Variants in PAM observed in about 807,000 individuals in gnomAD.
The protein encoded by PAM is peptidylglycine alpha-amidating monooxygenase, also known as peptidyl-glycine alpha-amidating monooxygenase.
Under a neutral mutation model 122.1 loss-of-function variants are expected in PAM, and 72 were observed. The ratio of observed to expected loss-of-function variants is 0.59; its 90% CI spans 0.49 to 0.72. The LOEUF (loss-of-function observed/expected upper bound fraction) is 0.72, where lower values mean the gene tolerates loss of function less well. PAM is among the 30% of genes least tolerant of loss of function. The pLI, the probability that PAM is intolerant of heterozygous loss-of-function variation, is 0.00. For missense variants in PAM, 1,106 were observed against 1,183.7 expected, an observed-to-expected ratio of 0.93 and a Z score of 0.96; for synonymous variants, 389 against 404.4, an observed-to-expected ratio of 0.96 and a Z score of 0.46.
rs148652099 is a variant in PAM, at chr5:103,007,466, G to A, written c.2024G>A (p.Gly675Glu). The A allele has an allele frequency of 4.3e-6, 7 of 1,613,628 alleles. No homozygotes were observed. The African/African-American group carries it at 8.0e-5, about 18-fold the overall frequency. ...TTTTTTTGTTCTGCAGAGTCTTCAG[G>A]GAGCAGTCCTCTGCCAGGCCAGTTC... ...FITQWGEESS[G>E]SSPLPGQFTV... Residue 675 changes from glycine (G) to glutamate (E), a missense_variant, in exon 20 of 26, where the codon GGG becomes GAG. Around this residue, in one of 3 missense-constraint regions of PAM, gnomAD observed 103 missense variants for 157.9 expected, o/e 0.65. Transcript: ENST00000438793.
At chr5:102,846,367 C>T (rs1779949902) in intron 1 of PAM, among the ~76,000 whole-genome samples, 1 of 152,180 alleles carries the variant, frequency 6.6e-6, no homozygotes, top group Non-Finnish European at 1.5e-5. Flanking sequence ...TCTTATTTCC[C>T]ATCCCTCTGT....
At chr5:102,931,926 A>C (rs2151805772) in intron 7 of PAM, among the ~76,000 whole-genome samples, 1 of 152,136 alleles carries the variant, frequency 6.6e-6, no homozygotes, top group South Asian at 2.1e-4. Flanking sequence ...TATAGCCAAA[A>C]GTTTTGCTTT....
rs1278687957 is a variant in PAM at position 102,948,376 on chromosome 5, A to C, written c.576-2A>C. ...TTAGAAAAATGTTATTTTTTTCTGC[A>C]GACAGCCTTTAATTGCTGGCATGTA... On this transcript the variant is annotated splice_acceptor_variant, in intron 8 of 25. Coordinates refer to ENST00000438793, the MANE Select transcript of PAM (RefSeq NM_001177306.2). LOFTEE classifies it high-confidence loss of function. 1 of 1,562,238 alleles carries C rather than the reference A, an allele frequency of 6.4e-7. No individual in the cohort carries two copies. Among genetic ancestry groups the C allele is most frequent in the Non-Finnish European group, 8.8e-7 (1 of 1,138,880 alleles).
intron 1 of PAM, among the ~76,000 whole-genome samples, chr5:102,839,117 A>T (rs143757487): frequency 1.4e-3 from 212 of 152,320 alleles, no homozygotes; most frequent in African/African-American, 5.0e-3. Context: ...CAGGTCAAGA[A>T]ATAGAACATT....
At chr5:102,876,192 C>A (rs549939900) in intron 3 of PAM, among the ~76,000 whole-genome samples, 23 of 152,126 alleles carry the variant, frequency 1.5e-4, no homozygotes, top group Non-Finnish European at 2.6e-4. Flanking sequence ...CTAGTAAATT[C>A]TTTTCATCCT....
chr5:102,916,880 G>C (rs985485035), intron 5 of PAM, among the ~76,000 whole-genome samples: 1 of 151,278 alleles, frequency 6.6e-6, no homozygotes, highest in African/African-American at 2.4e-5. Flanking sequence ...CTACAGGCGC[G>C]TGCCACCATG....
intron 3 of PAM, among the ~76,000 whole-genome samples, chr5:102,875,483 T>G (rs1190681026): frequency 6.6e-6 from 1 of 152,178 alleles, no homozygotes; most frequent in African/African-American, 2.4e-5. Flanking sequence ...TGTGGGCCAC[T>G]GTGCCCAGCC....
intron 22 of PAM, among the ~76,000 whole-genome samples, chr5:103,018,743 G>T (rs1782713704): frequency 6.6e-6 from 1 of 152,142 alleles, no homozygotes; most frequent in African/African-American, 2.4e-5. Flanking sequence ...TAATTTTATG[G>T]ATAGGAACAT....
chr5:102,999,162 C>A (rs1310068591), intron 16 of PAM, among the ~76,000 whole-genome samples: 1 of 152,184 alleles, frequency 6.6e-6, no homozygotes, highest in Non-Finnish European at 1.5e-5. Context: ...TTACTTTCTA[C>A]CAGGTCCCTC....
chr5:102,820,068 A>G (rs764726180), intron 1 of PAM, among the ~76,000 whole-genome samples: 2 of 152,176 alleles, frequency 1.3e-5, no homozygotes, highest in Non-Finnish European at 2.9e-5. Context: ...TTAATGAAAT[A>G]TTTATTAATA....
chr5:102,971,767 T>C (rs6880911), intron 14 of PAM, among the ~76,000 whole-genome samples: 39,734 of 152,132 alleles, frequency 0.26, 5,727 homozygotes, highest in East Asian at 0.43. Context: ...TAGATGTATT[T>C]TCTAAATAAA....
Position 102,946,839 on chromosome 5 carries a change from A to G in PAM, c.529A>G (p.Asn177Asp), listed in dbSNP as rs368097742. Residue 177 changes from asparagine to aspartate, a missense_variant and splice_region_variant, in exon 8 of 26, where the codon AAT becomes GAT. Around this residue, in one of 3 missense-constraint regions of PAM, gnomAD observed 670 missense variants for 690.3 expected, o/e 0.97. Transcript: ENST00000438793. Reference protein sequence around the residue: ...HYGDISAFRDNNKDCSGVSLH... With the variant: ...HYGDISAFRDDNKDCSGVSLH... ...TGTGTTTCTATGTGTGTTTTCAGAT[A>G]ATAACAAGGACTGTTCTGGTGTGTC... is the stretch of plus-strand genomic sequence containing the variant. The G allele has an allele frequency of 5.0e-6, 8 of 1,586,732 alleles. No individual in the cohort carries two copies. Among genetic ancestry groups the G allele is most frequent in the Non-Finnish European group, 6.9e-6 (8 of 1,156,326 alleles).
intron 7 of PAM, among the ~76,000 whole-genome samples, chr5:102,929,869 C>CTT (rs55739271): frequency 3.4e-5 from 5 of 147,106 alleles, no homozygotes; most frequent in Non-Finnish European, 3.0e-5. Context: ...TTTTGCGATT[C>CTT]TTTTTTTTTT....
intron 14 of PAM, among the ~76,000 whole-genome samples, chr5:102,973,596 T>A (rs1766603873): frequency 6.6e-6 from 1 of 152,146 alleles, no homozygotes; most frequent in South Asian, 2.1e-4. Flanking sequence ...AAAATAATAA[T>A]AAAATTTAGG....
At chr5:102,825,250 C>T (rs1337476902) in intron 1 of PAM, among the ~76,000 whole-genome samples, 1 of 152,148 alleles carries the variant, frequency 6.6e-6, no homozygotes, top group African/African-American at 2.4e-5. Context: ...GATAATGGAT[C>T]TCTCTAGATC....
At chr5:102,868,194 G>A (rs563248807) in intron 3 of PAM, among the ~76,000 whole-genome samples, 1 of 152,268 alleles carries the variant, frequency 6.6e-6, no homozygotes, top group East Asian at 1.9e-4. Flanking sequence ...GGAAAGACCT[G>A]GATATTGTAG....
At chr5:102,790,911 ATTTG>A (rs1228650466) in intron 1 of PAM, among the ~76,000 whole-genome samples, 1 of 152,102 alleles carries the variant, frequency 6.6e-6, no homozygotes, top group Non-Finnish European at 1.5e-5. Flanking sequence ...CACTGATATC[ATTTG>A]TTTGTGTGTC....
At chr5:102,772,601 G>A (rs141122825) in intron 1 of PAM, among the ~76,000 whole-genome samples, 62 of 152,188 alleles carry the variant, frequency 4.1e-4, no homozygotes, top group African/African-American at 1.5e-3. Flanking sequence ...CTTCCAGTTT[G>A]ACTTAATTAT....
chr5:102,767,118 G>GT (rs1754342938), intron 1 of PAM, among the ~76,000 whole-genome samples: 1 of 149,866 alleles, frequency 6.7e-6, no homozygotes, highest in Non-Finnish European at 1.5e-5. Context: ...AGGGTTTATG[G>GT]TTTTTATCTT....
Sources: allele counts gnomAD v4.1 joint callset (sites outside exome capture counted in the v4.1 genomes callset), GRCh38; gene constraint gnomAD v4.1.1; regional missense constraint gnomAD v4.1.1; transcripts MANE v1.5; gene names NCBI Gene and HGNC (gene_info 2026-07-23, HGNC 2026-07-21).